The following BBOF1 variants were observed in gnomAD, a reference collection of about 807,000 sequenced individuals.
The protein encoded by BBOF1 is basal body orientation factor 1.
Under a neutral mutation model 68.0 loss-of-function variants are expected in BBOF1, and 62 were observed. The ratio of observed to expected loss-of-function variants is 0.91; its 90% CI spans 0.74 to 1.13. The LOEUF is 1.13. Among genes scored for constraint, BBOF1 ranks in the 50% most tolerant of loss-of-function variants. BBOF1 has a pLI of 0.00. For synonymous variants in BBOF1, 208 were observed against 198.8 expected, an observed-to-expected ratio of 1.05 and a Z score of -0.39; for missense variants, 534 against 600.1, an observed-to-expected ratio of 0.89 and a Z score of 1.15.
intron 9 of BBOF1, chr14:74,071,440 G>A (rs775502339): frequency 1.2e-6 from 2 of 1,614,172 alleles, no homozygotes; most frequent in Admixed American, 3.3e-5. Flanking sequence ...TTTGGTGATG[G>A]ATGGCATGGT....
rs779148940 is a variant in BBOF1, at chr14:74,029,220, G to A, written c.322G>A (p.Glu108Lys). The change falls in exon 3 of 12, where the codon GAA (glutamate) becomes AAA (lysine). Residue 108 changes from glutamate (E) to lysine (K), a missense_variant. Glu to Lys is a moderately conservative substitution (Grantham distance 56). Transcript: ENST00000394009. ...GAAACAGCAATTAAATGAAACAAAGGAAAAAGCCCAAGAGGAGAAGGATAA... is the reference window on the plus strand; with the variant it reads ...GAAACAGCAATTAAATGAAACAAAGAAAAAAGCCCAAGAGGAGAAGGATAA... ...KLKQQLNETK[E>K]KAQEEKDKLE... The A allele has an allele frequency of 1.7e-4, 259 of 1,562,748 alleles. No homozygotes were observed. Among genetic ancestry groups the A allele is most frequent in the Non-Finnish European group, 2.1e-4 (245 of 1,151,612 alleles).
chr14:74,035,527 G>A lies in BBOF1; in HGVS notation c.495+1356G>A, dbSNP rs148576870. Among the ~76,000 whole-genome samples the A allele has an allele frequency of 2.2e-3, 321 of 144,136 alleles. 2 individuals are homozygous for A. Among genetic ancestry groups the A allele is most frequent in the African/African-American group, 8.1e-3 (312 of 38,474 alleles). 94.6% of individuals were successfully genotyped at this position (144,136 alleles called of 152,430 possible). On this transcript the variant is annotated intron_variant, in intron 4 of 11. Coordinates refer to ENST00000394009, the MANE Select transcript of BBOF1 (RefSeq NM_025057.3). ...TGCCTCCTGGGTTCAAGCGATTCTC[G>A]CTGCCTCAGCCTCCCGAGTAGCTGG...
intron 9 of BBOF1, among the ~76,000 whole-genome samples, chr14:74,073,687 C>G (rs1186082630): frequency 6.6e-6 from 1 of 151,938 alleles, no homozygotes; most frequent in Non-Finnish European, 1.5e-5. Flanking sequence ...GAGGCCGAGG[C>G]AGGTGGATCA....
At chr14:74,053,410 C>T (rs546109214) in intron 8 of BBOF1, among the ~76,000 whole-genome samples, 3 of 150,970 alleles carry the variant, frequency 2.0e-5, no homozygotes, top group Non-Finnish European at 4.4e-5. Context: ...TGCACCCGGC[C>T]GACTTTTTTA....
At chr14:74,057,988 A>G (rs1595096668) in intron 11 of BBOF1, 1 of 802,108 alleles carries the variant, frequency 1.2e-6, no homozygotes, top group South Asian at 5.5e-5. Context: ...ATAGACAATA[A>G]TGACCTTTTA....
chr14:74,075,374 G>A lies in BBOF1; in HGVS notation n.1380-2822G>A, dbSNP rs115878415. On this transcript the variant is annotated intron_variant and non_coding_transcript_variant, in intron 9 of 12. Transcript: ENST00000492026. The stretch of plus-strand genomic sequence containing the variant: ...GAATTTAAGATCATATAAAATCAAT[G>A]TGCTGGGCATGGTGACTCACGCCTG... 4.1e-3 allele frequency among the ~76,000 whole-genome samples: 617 copies of A among 152,224 alleles called. 4 individuals carry two copies. Among genetic ancestry groups the A allele is most frequent in the African/African-American group, 0.014 (587 of 41,524 alleles).
chr14:74,045,361 G>T (rs1358626429), intron 5 of BBOF1, among the ~76,000 whole-genome samples: 1 of 151,958 alleles, frequency 6.6e-6, no homozygotes, highest in Non-Finnish European at 1.5e-5. Flanking sequence ...CCCATCTGGA[G>T]TGCAATGGCG....
intron 11 of BBOF1, chr14:74,059,899 A>G (rs1026119048): frequency 1.3e-5 from 2 of 153,404 alleles, no homozygotes; most frequent in African/African-American, 2.4e-5. Context: ...ATGAATTACT[A>G]GGAAACAAAG....
intron 8 of BBOF1, among the ~76,000 whole-genome samples, chr14:74,050,796 TA>T (rs1031546319): frequency 7.3e-5 from 11 of 151,604 alleles, no homozygotes; most frequent in Admixed American, 1.3e-4. Context: ...ACCATATAAT[TA>T]AAAAAAAATC....
At chr14:74,072,042 A>AG in intron 9 of BBOF1, 1 of 1,578,906 alleles carries the variant, frequency 6.3e-7, no homozygotes, top group African/African-American at 1.3e-5. Context: ...GAGGTAGCAA[A>AG]GGAAGAATAA....
At chr14:74,044,812 G>A (rs2059913783) in intron 5 of BBOF1, among the ~76,000 whole-genome samples, 1 of 151,980 alleles carries the variant, frequency 6.6e-6, no homozygotes, top group Non-Finnish European at 1.5e-5. Context: ...GTAATCCCAG[G>A]TACTCGAGAG....
chr14:74,072,419 C>T, intron 9 of BBOF1: 4 of 1,613,862 alleles, frequency 2.5e-6, no homozygotes, highest in South Asian at 1.1e-5. Flanking sequence ...CTCCACTGTA[C>T]ATCCAGTCAC....
intron 2 of BBOF1, among the ~76,000 whole-genome samples, chr14:74,027,222 A>C (rs957356113): frequency 6.6e-6 from 1 of 150,972 alleles, no homozygotes; most frequent in African/African-American, 2.4e-5. Context: ...AGTAGCTGAG[A>C]CTACAGTTGT....
At chr14:74,040,255 C>G (rs1408967229) in intron 4 of BBOF1, among the ~76,000 whole-genome samples, 1 of 152,162 alleles carries the variant, frequency 6.6e-6, no homozygotes, top group East Asian at 1.9e-4. Flanking sequence ...TCCCAAAGTG[C>G]TGGGATTACA....
At position 74,048,173 on chromosome 14, in the gene BBOF1, T is replaced by C. The variant is rs961991204; in HGVS notation, c.792+99T>C. ...GTATAATAATGATATATAAGGACAA[T>C]GAGACCATTTTCATCTGTCTGGATG... is the stretch of plus-strand genomic sequence containing the variant. On this transcript the variant is annotated intron_variant, in intron 7 of 11. Coordinates refer to ENST00000394009, the MANE Select transcript of BBOF1 (RefSeq NM_025057.3). The C allele has an allele frequency of 5.3e-6, 6 of 1,137,724 alleles. No individual in the cohort carries two copies. In the African/African-American group the frequency reaches 9.4e-5, roughly 18 times the overall value. 70.5% of individuals were successfully genotyped at this position (1,137,724 alleles called of 1,614,324 possible). A position where few individuals can be genotyped will look rare whatever the true frequency, so the allele number is the denominator to read the frequency against.
chr14:74,045,952 T>G, intron 5 of BBOF1, 108 bp from the exon 6 acceptor site: 1 of 916,380 alleles, frequency 1.1e-6, no homozygotes, highest in Non-Finnish European at 1.6e-6. Context: ...TTCTTTCAGG[T>G]CATGGGGACA....
chr14:74,074,909 A>G, intron 9 of BBOF1: 1 of 1,578,722 alleles, frequency 6.3e-7, no homozygotes, highest in Non-Finnish European at 8.7e-7. Context: ...CCAAAACTAT[A>G]CTGAATTCCT....
chr14:74,033,938 T>G, intron 3 of BBOF1, 90 bp from the exon 4 acceptor site: 1 of 798,034 alleles, frequency 1.3e-6, no homozygotes, highest in Non-Finnish European at 1.9e-6. Context: ...TCAAAGAAGA[T>G]ATGCAAATGG....
chr14:74,021,428 T>C (rs1323438050), intron 1 of BBOF1, among the ~76,000 whole-genome samples: 1 of 151,818 alleles, frequency 6.6e-6, no homozygotes, highest in African/African-American at 2.4e-5. Flanking sequence ...TCTACAAAAA[T>C]TTTTATTAAA....
Sources: allele counts gnomAD v4.1 joint callset (sites outside exome capture counted in the v4.1 genomes callset), GRCh38; gene constraint gnomAD v4.1.1; transcripts MANE v1.5; gene names NCBI Gene and HGNC (gene_info 2026-07-23, HGNC 2026-07-21).